NELFA: variants seen among roughly 807,000 people sequenced by gnomAD.
The protein encoded by NELFA is negative elongation factor complex member A.
A neutral mutation model predicts 51.8 loss-of-function variants in NELFA; 35 were observed. The ratio of observed to expected loss-of-function variants is 0.68; its 90% CI spans 0.52 to 0.90. NELFA has a LOEUF of 0.90. Among genes scored for constraint, NELFA ranks in the 40% least tolerant of loss-of-function variants. NELFA has a pLI of 0.00. For missense variants in NELFA, 658 were observed against 746.4 expected (o/e 0.88, Z 1.38); for synonymous variants, 417 against 338.4 (o/e 1.23, Z -2.55).
chr4:1,999,306 C>G (rs1728512330), intron 1 of NELFA, among the ~76,000 whole-genome samples: 1 of 151,506 alleles, frequency 6.6e-6, no homozygotes, highest in Non-Finnish European at 1.5e-5. Context: ...TATTAACCTT[C>G]AATGTAAATG....
At position 1,983,582 on chromosome 4, in the gene NELFA, C is replaced by A. The variant is rs775900537; in HGVS notation, c.1402+14G>T. 6.2e-7 allele frequency: 1 copy of A among 1,613,704 alleles called. No individual in the cohort carries two copies. The highest frequency in any genetic ancestry group is 2.2e-5 in the East Asian group (1 of 44,878). ...CGGCCCGGTGCACCCCCAGGCCCTG[C>A]CTTATGAACATACCTCGGGAGCCGG... is the stretch of plus-strand genomic sequence containing the variant. On this transcript the variant is annotated intron_variant, in intron 10 of 10. Transcript: ENST00000382882.
Position 1,983,855 on chromosome 4 carries a change from G to C in NELFA, c.1295C>G (p.Ser432Cys). 1 of 1,574,862 alleles carries C rather than the reference G, an allele frequency of 6.3e-7. No individual in the cohort carries two copies. The highest frequency in any genetic ancestry group is 8.6e-7 in the Non-Finnish European group (1 of 1,160,010). Residue 432 changes from serine (S) to cysteine (C), a missense_variant, in exon 9 of 11, where the codon TCC becomes TGC. This residue lies in a region of NELFA where 200 missense variants were observed against 167.9 expected (regional missense o/e 1.19). Coordinates refer to ENST00000382882, the MANE Select transcript of NELFA (RefSeq NM_005663.5). Reference sequence around the variant, plus strand: ...CTACCAGTGTACACCTACCGTGAGGGACAGGTTCTTCTTAGGCTGCTGCTG... The same window carrying C: ...CTACCAGTGTACACCTACCGTGAGGCACAGGTTCTTCTTAGGCTGCTGCTG... Reference protein sequence around the residue: ...PAQQQPKKNLSLTREQMFAAQ... With the variant: ...PAQQQPKKNLCLTREQMFAAQ...
intron 4 of NELFA, 180 bp downstream of exon 4, chr4:1,987,738 C>A: frequency 1.7e-6 from 1 of 582,234 alleles, no homozygotes; most frequent in Non-Finnish European, 3.0e-6. Context: ...TCCCAGGGAG[C>A]TCCCCAAGGG....
intron 1 of NELFA, among the ~76,000 whole-genome samples, chr4:2,008,459 T>C (rs1336781574): frequency 1.4e-5 from 2 of 140,164 alleles, no homozygotes; most frequent in East Asian, 4.3e-4. Flanking sequence ...TAGTGGGGGA[T>C]TCCCAGGGGG....
rs781370111 is a variant in NELFA, at chr4:1,986,502, G to C, written c.635-100C>G. The C allele has an allele frequency of 3.2e-6, 5 of 1,562,628 alleles. No homozygotes were observed. The African/African-American group carries it at 4.1e-5, about 13-fold the overall frequency. The stretch of plus-strand genomic sequence containing the variant: ...CACCCTCTTCTAGGCTAGCGCCGCA[G>C]AGGGGAAGGGCCAAACCCCTGGCGG... On this transcript the variant is annotated intron_variant, in intron 4 of 10. Coordinates refer to ENST00000382882, the MANE Select transcript of NELFA (RefSeq NM_005663.5).
Position 1,989,660 on chromosome 4 carries a change from G to A in NELFA, c.544+48C>T, listed in dbSNP as rs373412132. 1.0e-4 allele frequency: 164 copies of A among 1,579,252 alleles called. No homozygotes were observed. Among genetic ancestry groups the A allele is most frequent in the Non-Finnish European group, 1.4e-4 (162 of 1,162,848 alleles). On this transcript the variant is annotated intron_variant, in intron 3 of 10. Transcript: ENST00000382882. This position sits in a 1 kb window ranked among gnomAD's most constrained non-coding sequence, Gnocchi z 4.8. ...GTACCTTAGAACCTAAGAAACCTAT[G>A]ACTGGAAACTACAAAGACAATGCCC...
chr4:1,991,744 C>A, intron 1 of NELFA, 29 bp from the exon 2 acceptor site: 1 of 1,562,040 alleles, frequency 6.4e-7, no homozygotes, highest in South Asian at 1.2e-5. Flanking sequence ...CCGGCGCCAC[C>A]ATGCCCCTGC....
At chr4:1,985,738 CA>C in intron 7 of NELFA, 37 bp downstream of exon 7, 1 of 1,542,154 alleles carries the variant, frequency 6.5e-7, no homozygotes, top group Non-Finnish European at 9.0e-7. Flanking sequence ...GGGGCACCCG[CA>C]GTGGTGCCAG....
intron 1 of NELFA, among the ~76,000 whole-genome samples, chr4:1,999,189 A>C (rs762233090): frequency 2.6e-5 from 4 of 151,638 alleles, no homozygotes; most frequent in African/African-American, 7.3e-5. Context: ...AGCCACTGAA[A>C]AAACACACCA....
At chr4:2,005,218 CAT>C (rs1728679542) in intron 1 of NELFA, among the ~76,000 whole-genome samples, 1 of 151,912 alleles carries the variant, frequency 6.6e-6, no homozygotes, top group African/African-American at 2.4e-5. Context: ...CAACAGGAAA[CAT>C]AATGCTCACT....
At chr4:1,986,522 T>C (rs1728104846) in intron 4 of NELFA, 120 bp from the exon 5 acceptor site, 1 of 1,500,972 alleles carries the variant, frequency 6.7e-7, no homozygotes, top group Non-Finnish European at 9.0e-7. Context: ...GCCAAACCCC[T>C]GGCGGGCAGC....
intron 3 of NELFA, among the ~76,000 whole-genome samples, chr4:1,988,270 G>A (rs532063323): frequency 1.3e-4 from 20 of 152,362 alleles, no homozygotes; most frequent in African/African-American, 2.6e-4. Flanking sequence ...GGAGGCAGCC[G>A]AGGAGGAGCT....
At chr4:1,992,206 G>A (rs1334304471) in intron 1 of NELFA, 5 of 225,956 alleles carry the variant, frequency 2.2e-5, no homozygotes, top group Non-Finnish European at 3.6e-5. Flanking sequence ...GGGACCTGGG[G>A]CAGCACCCGT....
chr4:1,993,815 G>C (rs1349710961), intron 1 of NELFA, among the ~76,000 whole-genome samples: 3 of 55,702 alleles, frequency 5.4e-5, no homozygotes, highest in Non-Finnish European at 1.0e-4. Flanking sequence ...TTTTTTTTTT[G>C]AGACAGAGTC....
At chr4:2,008,695 T>A in intron 1 of NELFA, 55 bp downstream of exon 1, 1 of 1,547,864 alleles carries the variant, frequency 6.5e-7, no homozygotes, top group Non-Finnish European at 8.7e-7. Context: ...GGTGTGCGGG[T>A]CGGAGGTGGG....
chr4:1,985,892 G>A (rs564141102), intron 6 of NELFA, 28 bp from the exon 7 acceptor site: 9 of 1,580,524 alleles, frequency 5.7e-6, no homozygotes, highest in Middle Eastern at 1.7e-4. Context: ...GTCCTCGCCA[G>A]TGCCCGGGCG....
Position 1,989,184 on chromosome 4 carries a change from G to C in NELFA, c.544+524C>G, listed in dbSNP as rs1217681627. 2.0e-5 allele frequency among the ~76,000 whole-genome samples: 3 copies of C among 152,254 alleles called. No homozygotes were observed. The highest frequency in any genetic ancestry group is 3.9e-4 in the East Asian group (2 of 5,186). ...TGGTCTCGATCTCCTGACCTCAGGT[G>C]ATCTGCTGGCCTCAGCCTCCCAAAG... On this transcript the variant is annotated intron_variant, in intron 3 of 10. Transcript: ENST00000382882. This position sits in a 1 kb window ranked among gnomAD's most constrained non-coding sequence, Gnocchi z 4.8.
chr4:1,999,851 G>C (rs963020691), intron 1 of NELFA, among the ~76,000 whole-genome samples: 1 of 152,122 alleles, frequency 6.6e-6, no homozygotes, highest in Non-Finnish European at 1.5e-5. Flanking sequence ...TCAGTGCTAC[G>C]TGGCACTTAC....
At position 1,986,257 on chromosome 4, in the gene NELFA, G is replaced by A; in HGVS notation, c.765+15C>T. 3 of 1,573,384 alleles carry A rather than the reference G, an allele frequency of 1.9e-6. No homozygotes were observed. The highest frequency in any genetic ancestry group is 2.6e-6 in the Non-Finnish European group (3 of 1,159,248). ...CGGGCCCCGGGGTGCCACAGGAGCT[G>A]GGGGACGGGCCTACCTTCACACCTC... On this transcript the variant is annotated intron_variant, in intron 5 of 10. Transcript: ENST00000382882.
Sources: allele counts gnomAD v4.1 joint callset (sites outside exome capture counted in the v4.1 genomes callset), GRCh38; gene constraint gnomAD v4.1.1; regional missense constraint gnomAD v4.1.1; non-coding constraint Gnocchi (gnomAD v3.1); transcripts MANE v1.5; gene names NCBI Gene and HGNC (gene_info 2026-07-23, HGNC 2026-07-21).